Variants in DDAH1 observed in about 807,000 individuals in gnomAD.
The protein encoded by DDAH1 is dimethylarginine dimethylaminohydrolase 1, also known as N(G),N(G)-dimethylarginine dimethylaminohydrolase 1.
In DDAH1, 19 loss-of-function variants were observed where a neutral mutation model predicts 28.8. The observed-to-expected ratio is 0.66, with a 90% CI of 0.46 to 0.97. The LOEUF (loss-of-function observed/expected upper bound fraction) is 0.97, where lower values mean the gene tolerates loss of function less well. Among genes scored for constraint, DDAH1 ranks in the 50% least tolerant of loss-of-function variants. The pLI, the probability that DDAH1 is intolerant of heterozygous loss-of-function variation, is 0.00. For synonymous variants in DDAH1, 153 were observed against 154.4 expected, an observed-to-expected ratio of 0.99 and a Z score of 0.07; for missense variants, 326 against 375.9, an observed-to-expected ratio of 0.87 and a Z score of 1.10.
At chr1:85,486,651 T>C (rs908652925) in intron 2 of DDAH1, among the ~76,000 whole-genome samples, 3 of 152,188 alleles carry the variant, frequency 2.0e-5, no homozygotes, top group African/African-American at 7.2e-5. Context: ...TTCTCGAGTC[T>C]GATAGAAAGG....
intron 1 of DDAH1, among the ~76,000 whole-genome samples, chr1:85,447,146 T>C (rs1299058270): frequency 1.3e-5 from 2 of 152,186 alleles, no homozygotes; most frequent in Admixed American, 6.5e-5. Flanking sequence ...CCTGCCTATT[T>C]ATATGCAAAA....
chr1:85,477,440 C>A (rs1655841375), intron 2 of DDAH1, among the ~76,000 whole-genome samples: 1 of 152,030 alleles, frequency 6.6e-6, no homozygotes, highest in African/African-American at 2.4e-5. Context: ...TACGTGAGAA[C>A]CATGCAGATT....
At chr1:85,540,905 A>C (rs1658452203) in intron 1 of DDAH1, among the ~76,000 whole-genome samples, 1 of 147,510 alleles carries the variant, frequency 6.8e-6, no homozygotes, top group African/African-American at 2.5e-5. Context: ...GGTTGCAGTG[A>C]GCCAAGATCG....
chr1:85,515,225 TAA>T (rs10687915), intron 1 of DDAH1, among the ~76,000 whole-genome samples: 1 of 148,672 alleles, frequency 6.7e-6, no homozygotes, highest in African/African-American at 2.5e-5. Context: ...CCTTGTCTCT[TAA>T]AAAAAAAAAA....
intron 1 of DDAH1, among the ~76,000 whole-genome samples, chr1:85,528,923 G>A (rs1185439313): frequency 4.7e-5 from 7 of 150,282 alleles, no homozygotes; most frequent in East Asian, 1.9e-4. Flanking sequence ...GCAGTGAGCC[G>A]AGATTGCACC....
intron 1 of DDAH1, among the ~76,000 whole-genome samples, chr1:85,537,336 A>T (rs1242469610): frequency 6.6e-6 from 1 of 151,504 alleles, no homozygotes; most frequent in Non-Finnish European, 1.5e-5. Context: ...CCTGTCTCAA[A>T]AATAATAATA....
At chr1:85,511,260 T>A (rs1416593406) in intron 1 of DDAH1, among the ~76,000 whole-genome samples, 1 of 152,080 alleles carries the variant, frequency 6.6e-6, no homozygotes, top group Non-Finnish European at 1.5e-5. Flanking sequence ...ACTGGGTAAA[T>A]AATGAAATGA....
chr1:85,401,409 T>C (rs548050541), intron 1 of DDAH1, among the ~76,000 whole-genome samples: 1 of 152,228 alleles, frequency 6.6e-6, no homozygotes, highest in Admixed American at 6.5e-5. Context: ...ATGGTTTATA[T>C]TTACTTTTAG....
intron 1 of DDAH1, among the ~76,000 whole-genome samples, chr1:85,434,952 ATAAG>A (rs952212779): frequency 1.3e-5 from 2 of 152,116 alleles, no homozygotes; most frequent in Admixed American, 6.5e-5. Context: ...ACAGTATATA[ATAAG>A]TAATGATTAC....
At chr1:85,544,628 C>T (rs989621374) in intron 1 of DDAH1, among the ~76,000 whole-genome samples, 2 of 152,094 alleles carry the variant, frequency 1.3e-5, no homozygotes, top group Non-Finnish European at 2.9e-5. Flanking sequence ...AGACTGACTT[C>T]CCCAGTACTA....
At chr1:85,450,814 C>T (rs563702141) in intron 1 of DDAH1, among the ~76,000 whole-genome samples, 1 of 152,040 alleles carries the variant, frequency 6.6e-6, no homozygotes, top group African/African-American at 2.4e-5. Context: ...GAAAATATAT[C>T]GAATGTGTAA....
At chr1:85,487,698 T>C (rs2100724249) in intron 2 of DDAH1, among the ~76,000 whole-genome samples, 1 of 152,316 alleles carries the variant, frequency 6.6e-6, no homozygotes, top group South Asian at 2.1e-4. Context: ...CTTTCCTCCC[T>C]TATTCTCTAT....
At chr1:85,418,769 T>C (rs1652997233) in intron 1 of DDAH1, among the ~76,000 whole-genome samples, 1 of 152,184 alleles carries the variant, frequency 6.6e-6, no homozygotes, top group African/African-American at 2.4e-5. Flanking sequence ...TCCCATCCAT[T>C]TGAATTGGTT....
At chr1:85,469,621 C>T (rs748248688), upstream of DDAH1, among the ~76,000 whole-genome samples, 1 of 152,172 alleles carries the variant, frequency 6.6e-6, no homozygotes, top group African/African-American at 2.4e-5. Context: ...CCAAAACACA[C>T]GTACACATTC....
upstream of DDAH1, among the ~76,000 whole-genome samples, chr1:85,470,019 A>G (rs1655562799): frequency 6.6e-6 from 1 of 152,144 alleles, no homozygotes; most frequent in African/African-American, 2.4e-5. Context: ...TTTGAAGTCA[A>G]TTTTAGATAG....
chr1:85,380,925 A>G (rs1011578304), intron 1 of DDAH1, among the ~76,000 whole-genome samples: 1 of 152,176 alleles, frequency 6.6e-6, no homozygotes, highest in African/African-American at 2.4e-5. Context: ...GGTTTCAGAG[A>G]AGAAACTATA....
At chr1:85,488,522 A>G (rs1333634714) in intron 2 of DDAH1, 1 of 152,206 alleles carries the variant, frequency 6.6e-6, no homozygotes, top group Non-Finnish European at 1.5e-5. Flanking sequence ...ATCTCCAAAT[A>G]TCATCATCAT....
At chr1:85,426,895 A>T (rs992926562) in intron 1 of DDAH1, among the ~76,000 whole-genome samples, 2 of 134,404 alleles carry the variant, frequency 1.5e-5, no homozygotes, top group Admixed American at 1.7e-4. Context: ...TGGGCAACAG[A>T]GTGAGACTCT....
At chr1:85,353,520 A>G (rs1449981201) in intron 2 of DDAH1, among the ~76,000 whole-genome samples, 1 of 152,168 alleles carries the variant, frequency 6.6e-6, no homozygotes, top group African/African-American at 2.4e-5. Flanking sequence ...GCACACTGAC[A>G]GTTTTTTGGG....
Sources: allele counts gnomAD v4.1 joint callset (sites outside exome capture counted in the v4.1 genomes callset), GRCh38; gene constraint gnomAD v4.1.1; transcripts MANE v1.5; gene names NCBI Gene and HGNC (gene_info 2026-07-23, HGNC 2026-07-21).